Variants in TBCD observed in about 807,000 individuals in gnomAD.
The protein encoded by TBCD is tubulin-specific chaperone D.
A neutral mutation model predicts 169.3 loss-of-function variants in TBCD; 105 were observed. The ratio of observed to expected loss-of-function variants is 0.62; its 90% CI spans 0.53 to 0.73. The LOEUF (loss-of-function observed/expected upper bound fraction) is 0.73. Ranked by LOEUF, TBCD falls within the 30% of genes least tolerant of loss-of-function variation. The pLI is 0.00. For missense variants in TBCD, 1,444 were observed against 1,600.1 expected, an observed-to-expected ratio of 0.90 and a Z score of 1.66; for synonymous variants, 700 against 643.9, an observed-to-expected ratio of 1.09 and a Z score of -1.32.
At chr17:82,755,370 AG>A (rs1359536221) in intron 1 of TBCD, among the ~76,000 whole-genome samples, 3 of 152,246 alleles carry the variant, frequency 2.0e-5, no homozygotes, top group African/African-American at 7.2e-5. Flanking sequence ...TAGAAAAGGA[AG>A]GGATTCTCTA....
chr17:82,773,875 C>G (rs1216980970), intron 6 of TBCD, among the ~76,000 whole-genome samples: 1 of 151,680 alleles, frequency 6.6e-6, no homozygotes, highest in Non-Finnish European at 1.5e-5. Flanking sequence ...TACAGGTGCC[C>G]GCCACCATGC....
Position 82,781,638 on chromosome 17 carries a change from G to A in TBCD, c.688G>A (p.Asp230Asn), listed in dbSNP as rs747406617. 1 of 1,613,864 alleles carries A rather than the reference G, an allele frequency of 6.2e-7. No individual in the cohort carries two copies. Among genetic ancestry groups the A allele is most frequent in the South Asian group, 1.1e-5 (1 of 91,078 alleles). Residue 230 changes from aspartate (D) to asparagine (N), a missense_variant, in exon 7 of 39, where the codon GAC becomes AAC. Transcript: ENST00000355528. ...GCAAAGCAAGATGGCTGAGTTCCTG[G>A]ACTGGAGCCTGTGCAATCTGGCCCG... is the stretch of plus-strand genomic sequence containing the variant. ...VKQSKMAEFLDWSLCNLARSS... is the reference protein window; with the variant it reads ...VKQSKMAEFLNWSLCNLARSS...
At position 82,797,754 on chromosome 17, in the gene TBCD, T is replaced by A. The variant is rs753456882; in HGVS notation, c.772-3T>A. 3 of 1,559,496 alleles carry A rather than the reference T, an allele frequency of 1.9e-6. No individual in the cohort carries two copies. The highest frequency in any genetic ancestry group is 2.6e-6 in the Non-Finnish European group (3 of 1,158,088). ...CATTAAAAATCTTTTTTTTTTTTTT[T>A]AGGCACAAATATTTAAACATGGAAA... On this transcript the variant is annotated splice_region_variant and splice_polypyrimidine_tract_variant and intron_variant, in intron 7 of 38. Coordinates refer to ENST00000355528, the MANE Select transcript of TBCD (RefSeq NM_005993.5).
intron 26 of TBCD, 73 bp from the exon 27 acceptor site, chr17:82,924,866 G>T: frequency 8.0e-7 from 1 of 1,242,382 alleles, no homozygotes; most frequent in Non-Finnish European, 1.1e-6. Flanking sequence ...CTCCTGTTTG[G>T]GGCACACGTC....
chr17:82,876,291 A>G (rs983374451), intron 14 of TBCD, among the ~76,000 whole-genome samples: 4 of 152,148 alleles, frequency 2.6e-5, no homozygotes, highest in African/African-American at 9.7e-5. Context: ...GTATCACATA[A>G]ACTTCTCCAG....
chr17:82,846,311 G>GCGTCCCATGTGCCGTGTCCTCT (rs1567879164), intron 13 of TBCD, among the ~76,000 whole-genome samples: 2 of 135,220 alleles, frequency 1.5e-5, no homozygotes, highest in African/African-American at 2.7e-5. Flanking sequence ...TCCACGTGCT[G>GCGTCCCATGTGCCGTGTCCTCT]CGTCCAGCGT....
intron 36 of TBCD, among the ~76,000 whole-genome samples, chr17:82,938,382 G>A (rs755364176): frequency 3.3e-5 from 5 of 152,158 alleles, no homozygotes; most frequent in Non-Finnish European, 5.9e-5. Context: ...GTGACCTGGC[G>A]GTGGGATCTG....
intron 15 of TBCD, among the ~76,000 whole-genome samples, chr17:82,887,185 G>GCGCA (rs1277727053): frequency 7.0e-6 from 1 of 142,194 alleles, no homozygotes; most frequent in African/African-American, 2.7e-5. Flanking sequence ...GCGCGCACGT[G>GCGCA]CGCTCACGCG....
intron 28 of TBCD, 97 bp from the exon 29 acceptor site, chr17:82,927,088 GT>G: frequency 6.5e-7 from 1 of 1,547,348 alleles, no homozygotes; most frequent in Non-Finnish European, 8.8e-7. Context: ...TGTTCTGAGC[GT>G]GTCTTCTCAG....
intron 16 of TBCD, among the ~76,000 whole-genome samples, chr17:82,891,587 C>T (rs12938918): frequency 0.27 from 41,065 of 152,130 alleles, 5,598 homozygotes; most frequent in Middle Eastern, 0.32. Flanking sequence ...GCAAAGCAAA[C>T]GGGAGTGGAC....
chr17:82,908,367 T>C (rs2146862791), intron 21 of TBCD: 1 of 456,706 alleles, frequency 2.2e-6, no homozygotes, highest in African/African-American at 2.0e-5. Flanking sequence ...GTCTGTCGGA[T>C]TTCTCTGGGG....
intron 9 of TBCD, among the ~76,000 whole-genome samples, chr17:82,803,142 G>A (rs536974631): frequency 6.2e-4 from 94 of 152,254 alleles, no homozygotes; most frequent in Non-Finnish European, 1.2e-3. Context: ...ACGCTCTGAC[G>A]GGCTGTTAGA....
chr17:82,838,062 C>T (rs1282187539), intron 13 of TBCD, among the ~76,000 whole-genome samples: 2 of 152,222 alleles, frequency 1.3e-5, no homozygotes, highest in East Asian at 1.9e-4. Context: ...CTGGAAAGTG[C>T]GCTGAGCTGA....
chr17:82,899,195 CGCGTGTCCGCAGT>C (rs1412617529), intron 17 of TBCD, among the ~76,000 whole-genome samples: 3 of 146,666 alleles, frequency 2.0e-5, no homozygotes, highest in South Asian at 4.4e-4. Flanking sequence ...GTGTCCTCAG[CGCGTGTCCGCAGT>C]GCGTCCTCAG....
intron 12 of TBCD, 54 bp downstream of exon 12, chr17:82,809,836 C>T: frequency 1.3e-6 from 2 of 1,547,970 alleles, no homozygotes; most frequent in Non-Finnish European, 1.8e-6. Flanking sequence ...TTGAGAAGCC[C>T]TGGCTTTCCT....
In TBCD at chr17:82,923,588, G is replaced by A; in HGVS notation, c.2179-64G>A. 1 of 1,372,042 alleles carries A rather than the reference G, an allele frequency of 7.3e-7. No homozygotes were observed. The allele number at this position is 1,372,042 out of a possible 1,614,324, so 85.0% of individuals were successfully genotyped here. A position where few individuals can be genotyped will look rare whatever the true frequency, so the allele number is the denominator to read the frequency against. ...CTCCGACTTCAGAGTGACCTGCTCT[G>A]TCCCTGGCCGGGGGCTTCTCCGAGC... On this transcript the variant is annotated intron_variant, in intron 25 of 38. Transcript: ENST00000355528. The surrounding 1 kb of genome is among the most constrained non-coding windows in gnomAD (Gnocchi z 4.6).
At chr17:82,768,288 T>C (rs2048126359) in intron 4 of TBCD, 132 bp from the exon 5 acceptor site, 1 of 1,114,672 alleles carries the variant, frequency 9.0e-7, no homozygotes, top group African/African-American at 1.5e-5. Flanking sequence ...TTTCTGGCCC[T>C]GAGGGTGATG....
chr17:82,886,792 C>T (rs1280695228), intron 15 of TBCD, among the ~76,000 whole-genome samples: 3 of 148,822 alleles, frequency 2.0e-5, no homozygotes, highest in Non-Finnish European at 4.5e-5. Flanking sequence ...GCCTCAGCCT[C>T]CCGAGTAGCT....
rs189904059 is a variant in TBCD, at chr17:82,927,201, T to G, written c.2487T>G (p.Val829=). 15 of 1,613,892 alleles carry G rather than the reference T, an allele frequency of 9.3e-6. No homozygotes were observed. Among genetic ancestry groups the G allele is most frequent in the Non-Finnish European group, 1.3e-5 (15 of 1,179,894 alleles). Residue 829 remains valine, a synonymous_variant, in exon 29 of 39, where the codon GTT becomes GTG. Coordinates refer to ENST00000355528, the MANE Select transcript of TBCD (RefSeq NM_005993.5). ...TAAATTTCAGGATTTGCCAGACTGT[T>G]GGTGTGAAAGCAGGAGCCCCAGACG... ...LKAIARICQT[V]GVKAGAPDEA... is the part of the protein sequence containing the mutation.
Sources: allele counts gnomAD v4.1 joint callset (sites outside exome capture counted in the v4.1 genomes callset), GRCh38; gene constraint gnomAD v4.1.1; non-coding constraint Gnocchi (gnomAD v3.1); transcripts MANE v1.5; gene names NCBI Gene and HGNC (gene_info 2026-07-23, HGNC 2026-07-21).